The following ACTN4 variants were observed in gnomAD, a reference collection of about 807,000 sequenced individuals.
ACTN4 encodes alpha-actinin-4.
Under a neutral mutation model 114.2 loss-of-function variants are expected in ACTN4, and 18 were observed. The ratio of observed to expected loss-of-function variants is 0.16; its 90% CI spans 0.11 to 0.23. The LOEUF is 0.23. Among genes scored for constraint, ACTN4 ranks in the 10% least tolerant of loss-of-function variants. The probability of loss-of-function intolerance (pLI) is 1.00; values close to 1 mark genes in which losing one functional copy is unlikely to be tolerated. For missense variants in ACTN4, 722 were observed against 1,262.9 expected, an observed-to-expected ratio of 0.57 and a Z score of 6.49; for synonymous variants, 515 against 506.3, an observed-to-expected ratio of 1.02 and a Z score of -0.23.
rs771173130 is a variant in ACTN4, at chr19:38,729,545, GGGGT to G, written c.*125_*128del. On this transcript the variant is annotated 3_prime_UTR_variant, in exon 21 of 21. Coordinates refer to ENST00000252699, the MANE Select transcript of ACTN4 (RefSeq NM_004924.6). ...TGCAAAGCACTCTCTGCAGTCCTCCGGGGTGGGTGGGTGGGCAGGGAGGGGCTGG... is the reference window on the plus strand; with the variant it reads ...TGCAAAGCACTCTCTGCAGTCCTCCGGGGTGGGTGGGCAGGGAGGGGCTGG... The G allele has an allele frequency of 1.3e-5, 6 of 446,102 alleles. No individual in the cohort carries two copies. The highest frequency in any genetic ancestry group is 2.7e-5 in the Non-Finnish European group (6 of 223,952). 27.6% of individuals were successfully genotyped at this position (446,102 alleles called of 1,614,324 possible).
intron 1 of ACTN4, among the ~76,000 whole-genome samples, chr19:38,654,677 A>T (rs1478848292): frequency 6.6e-6 from 1 of 151,910 alleles, no homozygotes. Context: ...TTTCCCTGGG[A>T]TTATAAAAAT....
At position 38,721,663 on chromosome 19, in the gene ACTN4, A is replaced by T; in HGVS notation, c.1417A>T (p.Ile473Phe). ...LAAHQDRVEQ[I>F]AAIAQELNEL... ...TGCGCACCAGGACCGCGTGGAGCAG[A>T]TCGCCGCCATTGCCCAGGAGCTCAA... The change falls in exon 12 of 21, where the codon ATC (isoleucine) becomes TTC (phenylalanine). Residue 473 changes from isoleucine to phenylalanine, a missense_variant. By Grantham distance (21) the Ile-to-Phe change is conservative (BLOSUM62 0). This residue lies in a region of ACTN4 where 523 missense variants were observed against 875.9 expected (regional missense o/e 0.60). Coordinates refer to ENST00000252699, the MANE Select transcript of ACTN4 (RefSeq NM_004924.6). 1 of 1,613,786 alleles carries T rather than the reference A, an allele frequency of 6.2e-7. No individual in the cohort carries two copies. Among genetic ancestry groups the T allele is most frequent in the Non-Finnish European group, 8.5e-7 (1 of 1,180,038 alleles).
chr19:38,728,912 T>A (rs1158651447), intron 19 of ACTN4, 84 bp from the exon 20 acceptor site: 28 of 1,568,224 alleles, frequency 1.8e-5, no homozygotes, highest in Non-Finnish European at 2.4e-5. Flanking sequence ...CTCGGCTGTT[T>A]CCCTGGAGAC....
intron 1 of ACTN4, among the ~76,000 whole-genome samples, chr19:38,661,770 A>T (rs1468931724): frequency 1.3e-5 from 2 of 152,180 alleles, no homozygotes; most frequent in Non-Finnish European, 2.9e-5. Context: ...CTCCTGCCTC[A>T]GCCTCCCGAG....
At chr19:38,698,863 G>C (rs1968176602) in intron 1 of ACTN4, among the ~76,000 whole-genome samples, 1 of 152,158 alleles carries the variant, frequency 6.6e-6, no homozygotes, top group Non-Finnish European at 1.5e-5. Context: ...GTCTGGGAGG[G>C]GGCTTTGTGT....
intron 1 of ACTN4, among the ~76,000 whole-genome samples, chr19:38,670,826 G>A (rs1967104624): frequency 6.6e-6 from 1 of 151,926 alleles, no homozygotes; most frequent in South Asian, 2.1e-4. Flanking sequence ...GGGAGGCTGA[G>A]GCAGGAGAAT....
chr19:38,713,626 G>A (rs1968739764), intron 8 of ACTN4, among the ~76,000 whole-genome samples: 2 of 152,182 alleles, frequency 1.3e-5, no homozygotes. Context: ...GTGTGGAGGG[G>A]AGAGGCTGGG....
intron 11 of ACTN4, among the ~76,000 whole-genome samples, chr19:38,719,305 A>T (rs1423131532): frequency 1.3e-5 from 2 of 152,200 alleles, no homozygotes; most frequent in Non-Finnish European, 2.9e-5. Flanking sequence ...CACTCCGCCC[A>T]GCTGAGCCCT....
intron 1 of ACTN4, among the ~76,000 whole-genome samples, chr19:38,695,642 G>C (rs1968067688): frequency 6.6e-6 from 1 of 152,060 alleles, no homozygotes; most frequent in African/African-American, 2.4e-5. Context: ...CAGCATGCCA[G>C]CCTCACTTCT....
chr19:38,705,305 T>C (rs1046508077), intron 4 of ACTN4, among the ~76,000 whole-genome samples: 1 of 152,236 alleles, frequency 6.6e-6, no homozygotes, highest in Non-Finnish European at 1.5e-5. Flanking sequence ...GGGCCCGTTT[T>C]ACAGTCCAGG....
chr19:38,693,000 G>A (rs1967979432), intron 1 of ACTN4, among the ~76,000 whole-genome samples: 1 of 152,224 alleles, frequency 6.6e-6, no homozygotes, highest in Admixed American at 6.5e-5. Context: ...GGTACCTGGG[G>A]TTGGGGCTGG....
chr19:38,682,464 G>A (rs1967607807), intron 1 of ACTN4, among the ~76,000 whole-genome samples: 2 of 152,144 alleles, frequency 1.3e-5, no homozygotes, highest in Non-Finnish European at 2.9e-5. Flanking sequence ...GATTAGAGGT[G>A]TGAGCCACCA....
In ACTN4 at chr19:38,717,822, A is replaced by T; in HGVS notation, c.1144-105A>T. ...AATAGCAAAGCATGACACAGACATG[A>T]CCCCAGCCAAGTTCTGCCACCTTCC... On this transcript the variant is annotated intron_variant, in intron 10 of 20. Coordinates refer to ENST00000252699, the MANE Select transcript of ACTN4 (RefSeq NM_004924.6). This position sits in a 1 kb window ranked among gnomAD's most constrained non-coding sequence, Gnocchi z 4.0. 1 of 1,460,628 alleles carries T rather than the reference A, an allele frequency of 6.8e-7. No homozygotes were observed. The highest frequency in any genetic ancestry group is 1.2e-5 in the South Asian group (1 of 81,690). The allele number at this position is 1,460,628 out of a possible 1,614,324, so 90.5% of individuals were successfully genotyped here. A position where few individuals can be genotyped will look rare whatever the true frequency, so the allele number is the denominator to read the frequency against.
intron 3 of ACTN4, among the ~76,000 whole-genome samples, chr19:38,704,130 A>G (rs925577310): frequency 6.6e-5 from 10 of 152,202 alleles, no homozygotes; most frequent in Admixed American, 5.9e-4. Flanking sequence ...GGGTAACATA[A>G]TAAGACCCAG....
intron 1 of ACTN4, among the ~76,000 whole-genome samples, chr19:38,659,901 C>T (rs1568677221): frequency 6.6e-6 from 1 of 150,644 alleles, no homozygotes. Context: ...AAAACTTCCT[C>T]CATCTTATTT....
chr19:38,674,423 C>G (rs537941532), intron 1 of ACTN4, among the ~76,000 whole-genome samples: 214 of 152,250 alleles, frequency 1.4e-3, no homozygotes, highest in African/African-American at 4.8e-3. Flanking sequence ...TTATTGCGTG[C>G]TAGTCACTGT....
intron 1 of ACTN4, among the ~76,000 whole-genome samples, chr19:38,651,299 T>C (rs1237724363): frequency 6.6e-6 from 1 of 152,198 alleles, no homozygotes; most frequent in East Asian, 1.9e-4. Flanking sequence ...CTCTGACTTC[T>C]AGGGACCCCT....
rs1399183014 is a variant in ACTN4 at position 38,724,614 on chromosome 19, C to T, written c.2010+49C>T. ...GAGCTGAGAAGGTTCCAAGAGAGCTCCCGTAGTGAGGGGGTCCCCGGCCAG... is the reference window on the plus strand; with the variant it reads ...GAGCTGAGAAGGTTCCAAGAGAGCTTCCGTAGTGAGGGGGTCCCCGGCCAG... On this transcript the variant is annotated intron_variant, in intron 16 of 20. Transcript: ENST00000252699. This position sits in a 1 kb window ranked among gnomAD's most constrained non-coding sequence, Gnocchi z 7.0. 1 of 1,611,022 alleles carries T rather than the reference C, an allele frequency of 6.2e-7. No individual in the cohort carries two copies. The highest frequency in any genetic ancestry group is 2.2e-5 in the East Asian group (1 of 44,880).
chr19:38,660,335 A>G (rs773534524), intron 1 of ACTN4, among the ~76,000 whole-genome samples: 2 of 152,142 alleles, frequency 1.3e-5, no homozygotes, highest in African/African-American at 2.4e-5. Flanking sequence ...AATAACAGCT[A>G]GCATTTTACC....
Sources: allele counts gnomAD v4.1 joint callset (sites outside exome capture counted in the v4.1 genomes callset), GRCh38; gene constraint gnomAD v4.1.1; regional missense constraint gnomAD v4.1.1; non-coding constraint Gnocchi (gnomAD v3.1); transcripts MANE v1.5; gene names NCBI Gene and HGNC (gene_info 2026-07-23, HGNC 2026-07-21).